Variants in EXOSC5 observed in about 807,000 individuals in gnomAD.
The protein encoded by EXOSC5 is exosome complex component RRP46.
A neutral mutation model predicts 23.7 loss-of-function variants in EXOSC5; 15 were observed. The ratio of observed to expected loss-of-function variants is 0.63; its 90% CI spans 0.42 to 0.97. EXOSC5 has a LOEUF of 0.97. EXOSC5 is among the 50% of genes least tolerant of loss of function. The pLI is 0.00. For synonymous variants in EXOSC5, 143 were observed against 140.9 expected, an observed-to-expected ratio of 1.02 and a Z score of -0.11; for missense variants, 305 against 316.3, an observed-to-expected ratio of 0.96 and a Z score of 0.27.
chr19:41,393,733 T>C (rs12982251), intron 1 of EXOSC5, among the ~76,000 whole-genome samples: 4 of 152,016 alleles, frequency 2.6e-5, no homozygotes, highest in African/African-American at 9.7e-5. Flanking sequence ...CTAATTTTTT[T>C]ATTTTTAGTA....
chr19:41,389,256 T>C (rs1216063596), intron 4 of EXOSC5, among the ~76,000 whole-genome samples: 1 of 151,916 alleles, frequency 6.6e-6, no homozygotes, highest in African/African-American at 2.4e-5. Flanking sequence ...ATACATTTCC[T>C]TTCTAGTTTA....
intron 1 of EXOSC5, 48 bp downstream of exon 1, chr19:41,397,133 G>A (rs754274558): frequency 3.1e-6 from 5 of 1,603,888 alleles, no homozygotes; most frequent in Non-Finnish European, 4.3e-6. Context: ...CGGTTGCACA[G>A]TACACGGTAG....
At chr19:41,396,886 GA>G (rs2039071909) in intron 1 of EXOSC5, among the ~76,000 whole-genome samples, 1 of 151,808 alleles carries the variant, frequency 6.6e-6, no homozygotes, top group Non-Finnish European at 1.5e-5. Flanking sequence ...AGTTAAGGGG[GA>G]TATTTACCCT....
In EXOSC5 at chr19:41,389,810, G is replaced by C; in HGVS notation, c.480C>G (p.Asp160Glu). 6.2e-7 allele frequency: 1 copy of C among 1,614,154 alleles called. No homozygotes were observed. Among genetic ancestry groups the C allele is most frequent in the Non-Finnish European group, 8.5e-7 (1 of 1,179,998 alleles). ...ALFCGVACALDSDGTLVLDPT... is the reference protein window; with the variant it reads ...ALFCGVACALESDGTLVLDPT... ...GATCCAGCACGAGGGTCCCATCAGA[G>C]TCCAGGGCGCAGGCGACCCCACAGA... Residue 160 changes from aspartate to glutamate, a missense_variant, in exon 4 of 6, where the codon GAC becomes GAG. Transcript: ENST00000221233.
At chr19:41,389,671 A>T (rs1381037993) in intron 4 of EXOSC5, 94 bp downstream of exon 4, 2 of 1,509,026 alleles carry the variant, frequency 1.3e-6, no homozygotes, top group Non-Finnish European at 1.8e-6. Context: ...TTGAGGTGGC[A>T]TGAGCCGACT....
intron 4 of EXOSC5, 126 bp from the exon 5 acceptor site, chr19:41,387,729 A>AGG: frequency 2.1e-6 from 1 of 469,890 alleles, no homozygotes. Flanking sequence ...AGGCCAAGGC[A>AGG]GGGCACTGCT....
Position 41,392,251 on chromosome 19 carries a change from G to A in EXOSC5, c.263-289C>T, listed in dbSNP as rs1015274439. On this transcript the variant is annotated intron_variant, in intron 2 of 5. Transcript: ENST00000221233. ...ACTCCCACCCTAGCAGGTCCAGTCA[G>A]TGGGGACTGAGGGATATGAGGGTAA... 33 of 451,338 alleles carry A rather than the reference G, an allele frequency of 7.3e-5. No individual in the cohort carries two copies. In the South Asian group the frequency reaches 9.1e-4, roughly 12 times the overall value. 28.0% of individuals were successfully genotyped at this position (451,338 alleles called of 1,614,324 possible).
At position 41,389,334 on chromosome 19, in the gene EXOSC5, C is replaced by T. The variant is rs1249023618; in HGVS notation, c.525+431G>A. ...AGGCTGGAGTGCAATGGCGCGATCT[C>T]GGCTCACCACAACCTCCGCGTCCTG... On this transcript the variant is annotated intron_variant, in intron 4 of 5. Transcript: ENST00000221233. Among the ~76,000 whole-genome samples the T allele has an allele frequency of 2.6e-5, 4 of 152,212 alleles. 1 individual carries two copies. The East Asian group carries it at 5.8e-4, about 22-fold the overall frequency.
At chr19:41,388,405 G>A (rs1294790472) in intron 4 of EXOSC5, among the ~76,000 whole-genome samples, 1 of 152,232 alleles carries the variant, frequency 6.6e-6, no homozygotes, top group African/African-American at 2.4e-5. Flanking sequence ...GACAATGGCA[G>A]GTGCTGATGG....
chr19:41,396,394 G>C (rs1161814918), intron 1 of EXOSC5, among the ~76,000 whole-genome samples: 1 of 152,130 alleles, frequency 6.6e-6, no homozygotes, highest in Admixed American at 6.5e-5. Flanking sequence ...ATTTTTAGTA[G>C]AGACAGGGTT....
At chr19:41,395,797 C>T (rs1392217859) in intron 1 of EXOSC5, among the ~76,000 whole-genome samples, 1 of 152,196 alleles carries the variant, frequency 6.6e-6, no homozygotes. Flanking sequence ...TCTACACTCA[C>T]TTCGTTCAGG....
intron 1 of EXOSC5, 125 bp from the exon 2 acceptor site, chr19:41,393,105 G>A: frequency 7.3e-6 from 5 of 682,598 alleles, no homozygotes; most frequent in Non-Finnish European, 1.3e-5. Flanking sequence ...CTGATTCTTT[G>A]AGCACTCACT....
intron 3 of EXOSC5, among the ~76,000 whole-genome samples, chr19:41,390,486 A>G (rs2039015990): frequency 6.6e-6 from 1 of 152,250 alleles, no homozygotes; most frequent in African/African-American, 2.4e-5. Flanking sequence ...AATATTCAAT[A>G]GGTATGTACT....
At chr19:41,392,784 C>T in intron 2 of EXOSC5, 83 bp downstream of exon 2, 1 of 1,254,946 alleles carries the variant, frequency 8.0e-7, no homozygotes, top group Non-Finnish European at 1.1e-6. Flanking sequence ...GGAGTGGAGA[C>T]TCGGGGCAGC....
chr19:41,397,147 C>T, intron 1 of EXOSC5, 34 bp downstream of exon 1: 1 of 1,609,566 alleles, frequency 6.2e-7, no homozygotes, highest in South Asian at 1.1e-5. Context: ...ACGGTAGTCC[C>T]TCTCCAAAAG....
Position 41,386,707 on chromosome 19 carries a change from CAG to C in EXOSC5, c.632_633del (p.Ala211GlyfsTer56), listed in dbSNP as rs1343211338. The C allele has an allele frequency of 6.3e-7, 1 of 1,598,312 alleles. No homozygotes were observed. Among genetic ancestry groups the C allele is most frequent in the Non-Finnish European group, 8.5e-7 (1 of 1,173,840 alleles). On this transcript the variant is annotated frameshift_variant, in exon 6 of 6. Transcript: ENST00000221233. LOFTEE classifies it high-confidence loss of function. Reference protein sequence around the residue: ...YSDTELQQCLAAAQAASQHVF... With the variant: ...YSDTELQQCLXAAQAASQHVF... ...ACGTGTTGCGAAGCGGCCTGGGCCG[CAG>C]CCAGGCACTGCTGGAGCTGCGGGGG...
In EXOSC5 at chr19:41,386,734, G is replaced by A. The variant is rs116100212; in HGVS notation, c.616-9C>T. 2.3e-3 allele frequency: 3,632 copies of A among 1,577,144 alleles called. 75 individuals are homozygous for A. In the African/African-American group the frequency reaches 0.043, roughly 19 times the overall value. The stretch of plus-strand genomic sequence containing the variant: ...GCCAGGCACTGCTGGAGCTGCGGGG[G>A]AGAGACTGGTCGGTGCTGGGGGCCG... On this transcript the variant is annotated splice_polypyrimidine_tract_variant and intron_variant, in intron 5 of 5. Coordinates refer to ENST00000221233, the MANE Select transcript of EXOSC5 (RefSeq NM_020158.4).
intron 4 of EXOSC5, among the ~76,000 whole-genome samples, chr19:41,388,138 T>G (rs570801617): frequency 4.6e-5 from 7 of 152,356 alleles, no homozygotes; most frequent in African/African-American, 1.7e-4. Flanking sequence ...CTTTCCTTTG[T>G]AGAACTGTAC....
intron 5 of EXOSC5, 72 bp downstream of exon 5, chr19:41,387,442 C>T (rs1190644685): frequency 8.0e-7 from 1 of 1,243,144 alleles, no homozygotes; most frequent in Admixed American, 2.9e-5. Context: ...GAATCCAGGG[C>T]AGAGTTGGGA....
Sources: gnomAD v4.1 joint callset for allele counts (sites outside exome capture counted in the v4.1 genomes callset) on GRCh38, gnomAD v4.1.1 for gene constraint, MANE v1.5 for transcripts, NCBI Gene and HGNC (gene_info 2026-07-23, HGNC 2026-07-21) for gene names.